MRAP2: variants seen among roughly 807,000 people sequenced by gnomAD.
MRAP2 encodes the protein melanocortin-2 receptor accessory protein 2.
A neutral mutation model predicts 17.4 loss-of-function variants in MRAP2; 20 were observed. The observed-to-expected ratio is 1.15, with a 90% CI of 0.81 to 1.67. The LOEUF (loss-of-function observed/expected upper bound fraction) is 1.67, where lower values mean the gene tolerates loss of function less well. Ranked by LOEUF, MRAP2 falls within the 40% of genes most tolerant of loss-of-function variation. MRAP2 has a pLI of 0.00. For missense variants in MRAP2, 238 were observed against 240.0 expected (o/e 0.99, Z 0.05); for synonymous variants, 96 against 88.4 (o/e 1.09, Z -0.48).
the MRAP2 span, chr6:84,125,350 T>A: frequency 3.3e-5 from 43 of 1,306,116 alleles, no homozygotes; most frequent in African/African-American, 5.4e-4. Context: ...AATCTTAAAG[T>A]AGGCAAACCT....
intron 3 of MRAP2, among the ~76,000 whole-genome samples, chr6:84,065,009 G>C (rs781141009): frequency 6.6e-6 from 1 of 152,170 alleles, no homozygotes; most frequent in Non-Finnish European, 1.5e-5. Context: ...ACACAGCCAG[G>C]CACGGTGGCT....
the MRAP2 span, among the ~76,000 whole-genome samples, chr6:84,125,821 T>C: frequency 6.6e-6 from 1 of 152,156 alleles, no homozygotes; most frequent in Non-Finnish European, 1.5e-5. Flanking sequence ...AAATTTTTCC[T>C]GTTTAGCCAC....
At chr6:84,092,570 T>C (rs2099501947), downstream of MRAP2, among the ~76,000 whole-genome samples, 1 of 152,018 alleles carries the variant, frequency 6.6e-6, no homozygotes, top group African/African-American at 2.4e-5. Context: ...AACTAGAAAA[T>C]AAGTTATTTT....
Position 84,089,654 on chromosome 6 carries a change from G to A in MRAP2, c.*173G>A, listed in dbSNP as rs1440028440. 8.2e-6 allele frequency: 6 copies of A among 734,460 alleles called. No individual in the cohort carries two copies. In the Admixed American group the frequency reaches 1.8e-4, roughly 22 times the overall value. 45.5% of individuals were successfully genotyped at this position (734,460 alleles called of 1,614,324 possible). The stretch of plus-strand genomic sequence containing the variant: ...GAGAGCTGAGCTGATTAAGCTGAGT[G>A]GTTTTTTGTTTTGTTTTGTTTTTGC... On this transcript the variant is annotated 3_prime_UTR_variant, in exon 4 of 4. Transcript: ENST00000257776.
the MRAP2 span, among the ~76,000 whole-genome samples, chr6:84,117,418 A>AT: frequency 2.7e-5 from 4 of 150,076 alleles, no homozygotes; most frequent in African/African-American, 4.9e-5. Flanking sequence ...CTCCTTTTTG[A>AT]TTTTTTTCTG....
the MRAP2 span, among the ~76,000 whole-genome samples, chr6:84,097,117 G>T: frequency 6.6e-6 from 1 of 152,148 alleles, no homozygotes. Context: ...CAGTGAAAAA[G>T]CCACAGTCCT....
the MRAP2 span, among the ~76,000 whole-genome samples, chr6:84,118,059 T>C: frequency 6.6e-6 from 1 of 152,250 alleles, no homozygotes; most frequent in Non-Finnish European, 1.5e-5. Flanking sequence ...GGCTCTCCAA[T>C]GCCTGCAGGC....
chr6:84,102,074 A>G, the MRAP2 span, among the ~76,000 whole-genome samples: 2 of 152,162 alleles, frequency 1.3e-5, no homozygotes, highest in Middle Eastern at 3.2e-3. Context: ...GATCAGGAAA[A>G]CTTGGTGTGG....
intron 1 of MRAP2, chr6:84,035,387 C>A (rs746201243): frequency 6.1e-6 from 6 of 981,136 alleles, no homozygotes; most frequent in East Asian, 1.1e-4. Context: ...CAAATACTTA[C>A]GCCAAACCAA....
At chr6:84,080,594 T>G (rs2497140) in intron 3 of MRAP2, among the ~76,000 whole-genome samples, 9 of 151,906 alleles carry the variant, frequency 5.9e-5, no homozygotes. Context: ...TTGGAGGGAG[T>G]GGCTCTCAGG....
At chr6:84,079,120 A>G (rs2099498335) in intron 3 of MRAP2, among the ~76,000 whole-genome samples, 2 of 152,258 alleles carry the variant, frequency 1.3e-5, no homozygotes, top group Admixed American at 1.3e-4. Flanking sequence ...CGTTCAAAGT[A>G]GCTTTACTCA....
chr6:84,138,614 T>C, the MRAP2 span, among the ~76,000 whole-genome samples: 3 of 152,198 alleles, frequency 2.0e-5, no homozygotes, highest in Non-Finnish European at 4.4e-5. Flanking sequence ...GTGCTTAGCT[T>C]TCTAGTAGTG....
intron 2 of MRAP2, among the ~76,000 whole-genome samples, chr6:84,060,295 A>G (rs16874203): frequency 0.015 from 2,257 of 152,074 alleles, 57 homozygotes; most frequent in African/African-American, 0.05. Context: ...CATGCTTCAC[A>G]TTATTGCTGC....
At chr6:84,101,410 C>A in the MRAP2 span, among the ~76,000 whole-genome samples, 6,461 of 152,260 alleles carry the variant, frequency 0.042, 196 homozygotes, top group Admixed American at 0.086. Flanking sequence ...TAGCATCTGA[C>A]AAGTTAGCAG....
At chr6:84,096,966 G>A in the MRAP2 span, among the ~76,000 whole-genome samples, 1 of 152,184 alleles carries the variant, frequency 6.6e-6, no homozygotes, top group Non-Finnish European at 1.5e-5. Flanking sequence ...CATTTATTAG[G>A]CACTAAGCTA....
In MRAP2 at chr6:84,062,751, C is replaced by T; in HGVS notation, c.128-142C>T. 5 of 1,458,112 alleles carry T rather than the reference C, an allele frequency of 3.4e-6. No homozygotes were observed. In the South Asian group the frequency reaches 5.5e-5, roughly 16 times the overall value. 90.3% of individuals were successfully genotyped at this position (1,458,112 alleles called of 1,614,324 possible). A position where few individuals can be genotyped will look rare whatever the true frequency, so the allele number is the denominator to read the frequency against. Reference sequence around the variant, plus strand: ...CTCCTCCTCATCCTTTACATCTTATCAGTCTCCAGCCAACTGCGGATCAGA... The same window carrying T: ...CTCCTCCTCATCCTTTACATCTTATTAGTCTCCAGCCAACTGCGGATCAGA... On this transcript the variant is annotated intron_variant, in intron 2 of 3. Transcript: ENST00000257776.
chr6:84,050,236 G>A (rs144559176), intron 1 of MRAP2, among the ~76,000 whole-genome samples: 28 of 152,294 alleles, frequency 1.8e-4, no homozygotes, highest in Admixed American at 5.9e-4. Flanking sequence ...GGAAGTGCCA[G>A]TAGAAGGTGA....
At chr6:84,104,588 G>C in the MRAP2 span, among the ~76,000 whole-genome samples, 3 of 152,180 alleles carry the variant, frequency 2.0e-5, no homozygotes, top group African/African-American at 7.2e-5. Flanking sequence ...TCTTCCATCG[G>C]CTGGGCGCAG....
upstream of MRAP2, chr6:84,033,696 C>T: frequency 2.0e-6 from 2 of 984,930 alleles, no homozygotes; most frequent in Non-Finnish European, 2.4e-6. Context: ...GCGCTGCAGC[C>T]CTGCTCCGGC....
Sources: allele counts gnomAD v4.1 joint callset (sites outside exome capture counted in the v4.1 genomes callset), GRCh38; gene constraint gnomAD v4.1.1; transcripts MANE v1.5; gene names NCBI Gene and HGNC (gene_info 2026-07-23, HGNC 2026-07-21).